TBC1D21: variants seen among roughly 807,000 people sequenced by gnomAD.
The protein encoded by TBC1D21 is male germ cell Rab GTPase-activating protein.
Under a neutral mutation model 46.0 loss-of-function variants are expected in TBC1D21, and 38 were observed. The observed-to-expected ratio is 0.83, with a 90% CI of 0.64 to 1.08. The LOEUF (loss-of-function observed/expected upper bound fraction) is 1.08. Ranked by LOEUF, TBC1D21 falls within the 50% of genes least tolerant of loss-of-function variation. TBC1D21 has a pLI of 0.00. For synonymous variants in TBC1D21, 151 were observed against 157.2 expected, an observed-to-expected ratio of 0.96 and a Z score of 0.29; for missense variants, 415 against 417.9, an observed-to-expected ratio of 0.99 and a Z score of 0.06.
chr15:73,884,978 C>CACA, intron 5 of TBC1D21, 25 bp from the exon 6 acceptor site: 1 of 1,597,120 alleles, frequency 6.3e-7, no homozygotes. Flanking sequence ...CCAGCCCCTC[C>CACA]TCCCCAACCC....
At chr15:73,894,947 G>C in the TBC1D21 span, among the ~76,000 whole-genome samples, 1 of 152,354 alleles carries the variant, frequency 6.6e-6, no homozygotes, top group African/African-American at 2.4e-5. Context: ...TGAGCTTGTA[G>C]TGGGGAAGAG....
chr15:73,889,590 C>A (rs548073185), downstream of TBC1D21, among the ~76,000 whole-genome samples: 1 of 152,338 alleles, frequency 6.6e-6, no homozygotes, highest in South Asian at 2.1e-4. Flanking sequence ...ACATCAATCA[C>A]ACAATTAAGT....
At chr15:73,882,063 G>A (rs1239359206) in intron 3 of TBC1D21, among the ~76,000 whole-genome samples, 3 of 152,058 alleles carry the variant, frequency 2.0e-5, no homozygotes, top group East Asian at 1.9e-4. Context: ...CTTGAACAGA[G>A]TCTGCCACCC....
chr15:73,891,717 G>T (rs1358219966), downstream of TBC1D21, among the ~76,000 whole-genome samples: 1 of 152,218 alleles, frequency 6.6e-6, no homozygotes, highest in East Asian at 1.9e-4. Flanking sequence ...ACCAGGTGCT[G>T]TCACAACCCG....
chr15:73,886,206 C>A, intron 7 of TBC1D21, 32 bp downstream of exon 7: 1 of 1,590,508 alleles, frequency 6.3e-7, no homozygotes, highest in Non-Finnish European at 8.6e-7. Flanking sequence ...CCACCTCACG[C>A]ACCCCCCAGG....
intron 1 of TBC1D21, among the ~76,000 whole-genome samples, chr15:73,875,326 G>GGAAGGA (rs1317985277): frequency 9.5e-5 from 11 of 116,298 alleles, no homozygotes; most frequent in Admixed American, 2.8e-4. Context: ...GGAAGGAAGG[G>GGAAGGA]AGGGAGGGAG....
the TBC1D21 span, among the ~76,000 whole-genome samples, chr15:73,907,816 T>C: frequency 6.6e-6 from 1 of 152,096 alleles, no homozygotes; most frequent in Admixed American, 6.5e-5. Flanking sequence ...GAAATTGTTT[T>C]CTAACTTCCC....
Position 73,878,523 on chromosome 15 carries a change from A to G in TBC1D21, c.61-2876A>G, listed in dbSNP as rs140089001. ...ATTTTAAAATGATACTTTTTACAGT[A>G]GCATCTGAAATATGAAATACTTATG... is the stretch of plus-strand genomic sequence containing the variant. On this transcript the variant is annotated intron_variant, in intron 1 of 10. Coordinates refer to ENST00000300504, the MANE Select transcript of TBC1D21 (RefSeq NM_153356.3). Among the ~76,000 whole-genome samples the G allele has an allele frequency of 2.8e-3, 419 of 152,356 alleles. 1 individual carries two copies. Among genetic ancestry groups the G allele is most frequent in the African/African-American group, 8.9e-3 (371 of 41,588 alleles).
At chr15:73,905,514 T>G in the TBC1D21 span, among the ~76,000 whole-genome samples, 2 of 152,234 alleles carry the variant, frequency 1.3e-5, no homozygotes, top group East Asian at 3.9e-4. Context: ...TCCAGTGGTG[T>G]GCTGAAGTCA....
At chr15:73,894,816 A>G in the TBC1D21 span, among the ~76,000 whole-genome samples, 1 of 152,108 alleles carries the variant, frequency 6.6e-6, no homozygotes, top group Non-Finnish European at 1.5e-5. Flanking sequence ...GGCAGAGAGG[A>G]GGGAATTTCC....
At chr15:73,907,131 T>C in the TBC1D21 span, among the ~76,000 whole-genome samples, 1 of 142,424 alleles carries the variant, frequency 7.0e-6, no homozygotes, top group South Asian at 2.3e-4. Flanking sequence ...TTCCTCTTCC[T>C]CCTCCTGCTC....
At chr15:73,882,111 G>T (rs938969194) in intron 3 of TBC1D21, among the ~76,000 whole-genome samples, 1 of 151,696 alleles carries the variant, frequency 6.6e-6, no homozygotes, top group African/African-American at 2.4e-5. Context: ...CCTCCTCCCT[G>T]CCCCCCATGG....
chr15:73,907,497 T>C, the TBC1D21 span, among the ~76,000 whole-genome samples: 1 of 152,234 alleles, frequency 6.6e-6, no homozygotes, highest in Non-Finnish European at 1.5e-5. Flanking sequence ...GGCTCAATTA[T>C]TGAGCTCTTA....
At chr15:73,892,883 G>C (rs954506878), downstream of TBC1D21, among the ~76,000 whole-genome samples, 8 of 152,338 alleles carry the variant, frequency 5.3e-5, no homozygotes, top group East Asian at 1.4e-3. Context: ...GATGATGGCG[G>C]TGATGGTGAT....
intron 1 of TBC1D21, among the ~76,000 whole-genome samples, chr15:73,876,253 A>G (rs1595817084): frequency 1.3e-5 from 1 of 76,416 alleles, no homozygotes; most frequent in African/African-American, 5.1e-5. Flanking sequence ...TTTGAGACGG[A>G]GTCTTGCTCT....
At chr15:73,899,591 G>A in the TBC1D21 span, among the ~76,000 whole-genome samples, 2 of 152,202 alleles carry the variant, frequency 1.3e-5, no homozygotes, top group Non-Finnish European at 2.9e-5. Context: ...TCTGGAGGTG[G>A]GAGGTGGCGG....
Position 73,881,719 on chromosome 15 carries a change from G to A in TBC1D21, c.244G>A (p.Glu82Lys). The change falls in exon 3 of 11, where the codon GAG (glutamate) becomes AAG (lysine). Residue 82 changes from glutamate to lysine, a missense_variant. Physicochemically the swap from Glu to Lys is moderately conservative, Grantham distance 56 (BLOSUM62 1). Coordinates refer to ENST00000300504, the MANE Select transcript of TBC1D21 (RefSeq NM_153356.3). ...GYFSWQSSQD[E>K]RLTVDSMRRK... ...CTTCTCATGGCAGAGTTCCCAGGAT[G>A]AGCGGCTCACGGTGGACAGCATGAG... 2 of 1,613,826 alleles carry A rather than the reference G, an allele frequency of 1.2e-6. No individual in the cohort carries two copies. The highest frequency in any genetic ancestry group is 1.7e-6 in the Non-Finnish European group (2 of 1,179,918).
chr15:73,874,527 A>T (rs777621510), intron 1 of TBC1D21, among the ~76,000 whole-genome samples: 4 of 152,260 alleles, frequency 2.6e-5, no homozygotes, highest in Non-Finnish European at 5.9e-5. Flanking sequence ...TCTTCCTTTT[A>T]TAAATGAGAA....
intron 1 of TBC1D21, among the ~76,000 whole-genome samples, chr15:73,876,651 T>C (rs1221967515): frequency 6.6e-6 from 1 of 152,172 alleles, no homozygotes; most frequent in Non-Finnish European, 1.5e-5. Flanking sequence ...TCAACAGATG[T>C]CTTCTTGTGA....
Sources: allele counts gnomAD v4.1 joint callset (sites outside exome capture counted in the v4.1 genomes callset), GRCh38; gene constraint gnomAD v4.1.1; transcripts MANE v1.5; gene names NCBI Gene and HGNC (gene_info 2026-07-23, HGNC 2026-07-21).